Variants in ZNF778 observed in about 807,000 individuals in gnomAD.
ZNF778 encodes zinc finger protein 778.
A neutral mutation model predicts 23.9 loss-of-function variants in ZNF778; 37 were observed. That is an observed-to-expected ratio of 1.54 (90% CI 1.19 to 2.03). ZNF778 has a LOEUF of 2.03. Among genes scored for constraint, ZNF778 ranks in the 30% most tolerant of loss-of-function variants. The pLI, the probability that ZNF778 is intolerant of heterozygous loss-of-function variation, is 0.00. For synonymous variants in ZNF778, 483 were observed against 343.9 expected (o/e 1.40, Z -4.48); for missense variants, 1,297 against 934.4 (o/e 1.39, Z -5.06).
In ZNF778 at chr16:89,227,109, T is replaced by G. The variant is rs1192560285; in HGVS notation, c.821T>G (p.Met274Arg). 6.2e-7 allele frequency: 1 copy of G among 1,613,874 alleles called. No individual in the cohort carries two copies. Among genetic ancestry groups the G allele is most frequent in the East Asian group, 2.2e-5 (1 of 44,892 alleles). Residue 274 changes from methionine (M) to arginine (R), a missense_variant, in exon 7 of 7, where the codon ATG (methionine) becomes AGG (arginine). Physicochemically the swap from Met to Arg is moderately conservative, Grantham distance 91. Transcript: ENST00000433976. ...ATGGGCTGCGCCACACCTGTTGAAATGCATGCCGTCAGGAATCCCCACGTA... is the reference window on the plus strand; with the variant it reads ...ATGGGCTGCGCCACACCTGTTGAAAGGCATGCCGTCAGGAATCCCCACGTA... The part of the protein sequence containing the change: ...HSMGCATPVE[M>R]HAVRNPHVCR...
Position 89,229,936 on chromosome 16 carries a change from A to G in ZNF778, c.*1374A>G, listed in dbSNP as rs977910829. 2.0e-6 allele frequency: 2 copies of G among 976,984 alleles called. No individual in the cohort carries two copies. The highest frequency in any genetic ancestry group is 2.4e-6 in the Non-Finnish European group (2 of 826,892). The allele number at this position is 976,984 out of a possible 1,614,324, so 60.5% of individuals were successfully genotyped here. A position where few individuals can be genotyped will look rare whatever the true frequency, so the allele number is the denominator to read the frequency against. On this transcript the variant is annotated 3_prime_UTR_variant, in exon 7 of 7. Transcript: ENST00000433976. ...GGTTAGTGTTGAGGATCCAGATGTG[A>G]TTCTGTGAGCAGTGTAGGCTCTGGT... is the stretch of plus-strand genomic sequence containing the variant.
In ZNF778 at chr16:89,235,860, A is replaced by G. The variant is rs2032219271; in HGVS notation, c.*7298A>G. 1 of 152,134 alleles carries G rather than the reference A, an allele frequency of 6.6e-6. No homozygotes were observed. The highest frequency in any genetic ancestry group is 2.4e-5 in the African/African-American group (1 of 41,434). 9.4% of individuals were successfully genotyped at this position (152,134 alleles called of 1,614,324 possible). A position where few individuals can be genotyped will look rare whatever the true frequency, so the allele number is the denominator to read the frequency against. On this transcript the variant is annotated 3_prime_UTR_variant, in exon 7 of 7. Transcript: ENST00000433976. ...CATGAGCCCCAGACAGGATAAACCT[A>G]AAGAAAACCAAGCCCAGGCCGGGGG...
intron 1 of ZNF778, among the ~76,000 whole-genome samples, chr16:89,219,389 G>T (rs1199657919): frequency 6.6e-6 from 1 of 152,212 alleles, no homozygotes; most frequent in Non-Finnish European, 1.5e-5. Flanking sequence ...CAGAGGAGAG[G>T]TTGGCAAAGG....
At position 89,229,162 on chromosome 16, in the gene ZNF778, G is replaced by T. The variant is rs2031762476; in HGVS notation, c.*600G>T. 1 of 985,924 alleles carries T rather than the reference G, an allele frequency of 1.0e-6. No individual in the cohort carries two copies. Among genetic ancestry groups the T allele is most frequent in the Non-Finnish European group, 1.2e-6 (1 of 830,436 alleles). 61.1% of individuals were successfully genotyped at this position (985,924 alleles called of 1,614,324 possible). ...TGCTACAGTGTCCACGTCGCAGCCT[G>T]GCTAACAGTAGGCCTTGAGGACTCA... On this transcript the variant is annotated 3_prime_UTR_variant, in exon 7 of 7. Coordinates refer to ENST00000433976, the MANE Select transcript of ZNF778 (RefSeq NM_001201407.2).
intron 5 of ZNF778, among the ~76,000 whole-genome samples, 176 bp from the exon 6 acceptor site, chr16:89,225,379 C>T (rs2031381790): frequency 6.6e-6 from 1 of 152,008 alleles, no homozygotes; most frequent in South Asian, 2.1e-4. Flanking sequence ...TCTTTATGGA[C>T]CAAATGTATT....
rs1305185505 is a variant in ZNF778 at position 89,233,941 on chromosome 16, T to A, written c.*5379T>A. ...AGACAGCAGGACATGCTGTATGCCC[T>A]TGGGCCTGCTGGAAGTATGCAGACT... On this transcript the variant is annotated 3_prime_UTR_variant, in exon 7 of 7. Transcript: ENST00000433976. The A allele has an allele frequency of 1.9e-5, 24 of 1,285,550 alleles. No homozygotes were observed. The highest frequency in any genetic ancestry group is 2.4e-5 in the Non-Finnish European group (24 of 985,426). The allele number at this position is 1,285,550 out of a possible 1,614,324, so 79.6% of individuals were successfully genotyped here.
chr16:89,234,019 G>C lies in ZNF778; in HGVS notation c.*5457G>C, dbSNP rs748046679. The C allele has an allele frequency of 9.1e-7, 1 of 1,094,486 alleles. No homozygotes were observed. The highest frequency in any genetic ancestry group is 1.2e-6 in the Non-Finnish European group (1 of 810,758). The allele number at this position is 1,094,486 out of a possible 1,614,324, so 67.8% of individuals were successfully genotyped here. On this transcript the variant is annotated 3_prime_UTR_variant, in exon 7 of 7. Transcript: ENST00000433976. ...GTCCTGCCTTTCCTGTGAAAACCCT[G>C]TGGCCTCTGCCTCCCCTGGCTCTGA...
At position 89,230,227 on chromosome 16, in the gene ZNF778, G is replaced by C; in HGVS notation, c.*1665G>C. The C allele has an allele frequency of 3.6e-6, 1 of 277,786 alleles. No individual in the cohort carries two copies. The highest frequency in any genetic ancestry group is 5.5e-6 in the Non-Finnish European group (1 of 183,002). 17.2% of individuals were successfully genotyped at this position (277,786 alleles called of 1,614,324 possible). ...CCAGGGTGCAAGGAGGGGCAGAGTGGAGAGGGGCGAGGTCTGTACCCTGAG... is the reference window on the plus strand; with the variant it reads ...CCAGGGTGCAAGGAGGGGCAGAGTGCAGAGGGGCGAGGTCTGTACCCTGAG... On this transcript the variant is annotated 3_prime_UTR_variant, in exon 7 of 7. Coordinates refer to ENST00000433976, the MANE Select transcript of ZNF778 (RefSeq NM_001201407.2).
Position 89,235,747 on chromosome 16 carries a change from G to C in ZNF778, c.*7185G>C, listed in dbSNP as rs1009720682. The C allele has an allele frequency of 1.3e-5, 2 of 152,176 alleles. No individual in the cohort carries two copies. Among genetic ancestry groups the C allele is most frequent in the African/African-American group, 4.8e-5 (2 of 41,428 alleles). The allele number at this position is 152,176 out of a possible 1,614,324, so 9.4% of individuals were successfully genotyped here. A position where few individuals can be genotyped will look rare whatever the true frequency, so the allele number is the denominator to read the frequency against. ...CAGTATCCTGGAAGAAAAGGAGAAA[G>C]TGTGATGTAGTAAAACCACTTGAAA... is the stretch of plus-strand genomic sequence containing the variant. On this transcript the variant is annotated 3_prime_UTR_variant, in exon 7 of 7. Coordinates refer to ENST00000433976, the MANE Select transcript of ZNF778 (RefSeq NM_001201407.2).
chr16:89,218,898 G>A (rs933460495), intron 1 of ZNF778, among the ~76,000 whole-genome samples: 2 of 152,162 alleles, frequency 1.3e-5, no homozygotes, highest in Admixed American at 6.5e-5. Context: ...ATCTGAGGTC[G>A]GGAGTTCAAG....
chr16:89,225,068 T>G (rs1314615394), intron 5 of ZNF778, among the ~76,000 whole-genome samples: 1 of 144,778 alleles, frequency 6.9e-6, no homozygotes, highest in Non-Finnish European at 1.5e-5. Flanking sequence ...CCCTTTCTTG[T>G]GATCTCATAA....
chr16:89,226,695 C>G lies in ZNF778; in HGVS notation c.407C>G (p.Ala136Gly). The change falls in exon 7 of 7, where the codon GCA becomes GGA. Residue 136 changes from alanine (A) to glycine (G), a missense_variant and splice_region_variant. Physicochemically the swap from Ala to Gly is moderately conservative, Grantham distance 60. Coordinates refer to ENST00000433976, the MANE Select transcript of ZNF778 (RefSeq NM_001201407.2). ...CCACCACTCATTCTTCACCAACAGGCAAGAAGCCACAATGGAGGGCAGCTC... is the reference window on the plus strand; with the variant it reads ...CCACCACTCATTCTTCACCAACAGGGAAGAAGCCACAATGGAGGGCAGCTC... ...WFRASNETQT[A>G]RSHNGGQLCD... 1 of 1,606,178 alleles carries G rather than the reference C, an allele frequency of 6.2e-7. No homozygotes were observed. The highest frequency in any genetic ancestry group is 1.1e-5 in the South Asian group (1 of 90,292).
At chr16:89,222,231 CAGAT>C in intron 3 of ZNF778, 48 bp downstream of exon 3, 1 of 1,440,464 alleles carries the variant, frequency 6.9e-7, no homozygotes, top group South Asian at 1.3e-5. Flanking sequence ...TGGTATTCAG[CAGAT>C]AGACAAGTTT....
chr16:89,224,735 A>G lies in ZNF778; in HGVS notation c.261A>G (p.Gln87=), dbSNP rs1167386867. ...TGTGTACAGGACATCACCTGTTCCA[A>G]CCCAGTGTGATCTATTGGCTGGAGC... ...NLASVGHHLF[Q]PSVIYWLEQE... is the part of the protein sequence containing the mutation. The change falls in exon 5 of 7, where the codon CAA becomes CAG. Residue 87 remains glutamine (Q), a synonymous_variant. Coordinates refer to ENST00000433976, the MANE Select transcript of ZNF778 (RefSeq NM_001201407.2). The G allele has an allele frequency of 2.6e-6, 4 of 1,535,554 alleles. No individual in the cohort carries two copies. Among genetic ancestry groups the G allele is most frequent in the Non-Finnish European group, 3.5e-6 (4 of 1,146,558 alleles).
At chr16:89,222,915 G>A (rs1277117218) in intron 3 of ZNF778, among the ~76,000 whole-genome samples, 1 of 149,718 alleles carries the variant, frequency 6.7e-6, no homozygotes, top group African/African-American at 2.4e-5. Flanking sequence ...GCGACAGGGT[G>A]CGCGTGACTG....
Position 89,232,880 on chromosome 16 carries a change from C to G in ZNF778, c.*4318C>G. 1 of 1,214,248 alleles carries G rather than the reference C, an allele frequency of 8.2e-7. No individual in the cohort carries two copies. The highest frequency in any genetic ancestry group is 1.0e-6 in the Non-Finnish European group (1 of 956,852). The allele number at this position is 1,214,248 out of a possible 1,614,324, so 75.2% of individuals were successfully genotyped here. Reference sequence around the variant, plus strand: ...TGCAAATCAACTCGCACTGCGTATGCAACTCAACTCGCACTGCGTATGCAA... The same window carrying G: ...TGCAAATCAACTCGCACTGCGTATGGAACTCAACTCGCACTGCGTATGCAA... On this transcript the variant is annotated 3_prime_UTR_variant, in exon 7 of 7. Coordinates refer to ENST00000433976, the MANE Select transcript of ZNF778 (RefSeq NM_001201407.2).
Position 89,232,586 on chromosome 16 carries a change from G to T in ZNF778, c.*4024G>T. On this transcript the variant is annotated 3_prime_UTR_variant, in exon 7 of 7. Transcript: ENST00000433976. ...CTGTGTGAAAATCTCCACTCCCAAT[G>T]TCTGAGGGTTCCTCAGAGTAAGATA... is the stretch of plus-strand genomic sequence containing the variant. 1 of 1,171,542 alleles carries T rather than the reference G, an allele frequency of 8.5e-7. No homozygotes were observed. The highest frequency in any genetic ancestry group is 1.1e-6 in the Non-Finnish European group (1 of 926,014). The allele number at this position is 1,171,542 out of a possible 1,614,324, so 72.6% of individuals were successfully genotyped here.
In ZNF778 at chr16:89,223,047, G is replaced by C. The variant is rs1411866735; in HGVS notation, c.118-110G>C. 3.8e-6 allele frequency: 5 copies of C among 1,327,810 alleles called. No homozygotes were observed. The African/African-American group carries it at 7.4e-5, about 20-fold the overall frequency. The allele number at this position is 1,327,810 out of a possible 1,614,324, so 82.3% of individuals were successfully genotyped here. A position where few individuals can be genotyped will look rare whatever the true frequency, so the allele number is the denominator to read the frequency against. The stretch of plus-strand genomic sequence containing the variant: ...CCTGGGACCACTGGGCCATGGGGTA[G>C]ACAGTAGGAGGCCTCACAGTCCCAT... On this transcript the variant is annotated intron_variant, in intron 3 of 6. Coordinates refer to ENST00000433976, the MANE Select transcript of ZNF778 (RefSeq NM_001201407.2).
Position 89,228,376 on chromosome 16 carries a change from T to C in ZNF778, c.2088T>C (p.Thr696=). The C allele has an allele frequency of 6.2e-7, 1 of 1,613,682 alleles. No individual in the cohort carries two copies. The highest frequency in any genetic ancestry group is 8.5e-7 in the Non-Finnish European group (1 of 1,179,758). Residue 696 remains threonine (T), a synonymous_variant, in exon 7 of 7, where the codon ACT becomes ACC. Transcript: ENST00000433976. ...SHLHKHGRIH[T]GQKPYKCKEC... ...TGCATAAACATGGAAGAATTCACAC[T>C]GGGCAGAAACCCTATAAATGTAAGG...
Sources: gnomAD v4.1 joint callset for allele counts (sites outside exome capture counted in the v4.1 genomes callset) on GRCh38, gnomAD v4.1.1 for gene constraint, MANE v1.5 for transcripts, NCBI Gene and HGNC (gene_info 2026-07-23, HGNC 2026-07-21) for gene names.